MSH3: variants seen among roughly 807,000 people sequenced by gnomAD.
MSH3 encodes DNA mismatch repair protein Msh3.
In MSH3, 106 loss-of-function variants were observed where a neutral mutation model predicts 123.3. That is an observed-to-expected ratio of 0.86 (90% CI 0.73 to 1.01). MSH3 has a LOEUF of 1.01. MSH3 is among the 50% of genes least tolerant of loss of function. The pLI is 0.00. For synonymous variants in MSH3, 515 were observed against 481.4 expected (o/e 1.07, Z -0.91); for missense variants, 1,459 against 1,347.6 (o/e 1.08, Z -1.29).
At chr5:80,832,088 C>G (rs181818196) in intron 20 of MSH3, among the ~76,000 whole-genome samples, 1 of 150,740 alleles carries the variant, frequency 6.6e-6, no homozygotes, top group Non-Finnish European at 1.5e-5. Context: ...CCAGCCTGGG[C>G]GACAAGGCGA....
chr5:80,662,451 C>T (rs1042927804), intron 2 of MSH3, among the ~76,000 whole-genome samples: 5 of 152,074 alleles, frequency 3.3e-5, no homozygotes, highest in Admixed American at 3.3e-4. Flanking sequence ...ATAAGAGTCC[C>T]TGATTATTTC....
At chr5:80,792,986 C>T in intron 19 of MSH3, 142 bp downstream of exon 19, 2 of 623,766 alleles carry the variant, frequency 3.2e-6, no homozygotes, top group South Asian at 2.0e-5. Context: ...TTTATATTTA[C>T]CACGAAATGT....
At chr5:80,737,655 G>A (rs1474621608) in intron 10 of MSH3, among the ~76,000 whole-genome samples, 1 of 152,120 alleles carries the variant, frequency 6.6e-6, no homozygotes, top group Non-Finnish European at 1.5e-5. Flanking sequence ...GATGCTGGTA[G>A]ATATAACCCT....
chr5:80,683,458 G>A (rs1220074021), intron 8 of MSH3, among the ~76,000 whole-genome samples: 1 of 152,116 alleles, frequency 6.6e-6, no homozygotes, highest in Admixed American at 6.5e-5. Context: ...TGTAATGAAC[G>A]ATGGTGTTGA....
rs112733947 is a variant in MSH3, at chr5:80,856,475, C to G, written c.3000+2159C>G. Among the ~76,000 whole-genome samples, 602 of 142,974 alleles carry G rather than the reference C, an allele frequency of 4.2e-3. 1 individual carries two copies. The highest frequency in any genetic ancestry group is 0.012 in the African/African-American group (458 of 38,104). The allele number at this position is 142,974 out of a possible 152,430, so 93.8% of individuals were successfully genotyped here. A position where few individuals can be genotyped will look rare whatever the true frequency, so the allele number is the denominator to read the frequency against. On this transcript the variant is annotated intron_variant, in intron 21 of 23. Coordinates refer to ENST00000265081, the MANE Select transcript of MSH3 (RefSeq NM_002439.5). ...GACAAAAAACCAAACACCGCATGTT[C>G]TCACTCATAGGTGGGAGTTGAACAA...
chr5:80,817,390 T>G (rs1171089482), intron 20 of MSH3, among the ~76,000 whole-genome samples: 3 of 151,896 alleles, frequency 2.0e-5, no homozygotes, highest in South Asian at 2.1e-4. Flanking sequence ...AAGAGTGAGT[T>G]AGAGGTCAGG....
chr5:80,657,709 A>G (rs1057123214), intron 2 of MSH3, among the ~76,000 whole-genome samples: 7 of 152,172 alleles, frequency 4.6e-5, no homozygotes, highest in African/African-American at 1.7e-4. Flanking sequence ...TATATGTAAA[A>G]TATTAATCCT....
chr5:80,815,556 G>A (rs1048654287), intron 20 of MSH3, among the ~76,000 whole-genome samples: 1 of 152,122 alleles, frequency 6.6e-6, no homozygotes, highest in Non-Finnish European at 1.5e-5. Context: ...GTGTTTCAGT[G>A]GCTCTGCCAT....
At chr5:80,707,780 A>G (rs1340869432) in intron 8 of MSH3, among the ~76,000 whole-genome samples, 1 of 152,180 alleles carries the variant, frequency 6.6e-6, no homozygotes, top group Non-Finnish European at 1.5e-5. Context: ...TTGGAGTAGT[A>G]GTTAATTTAC....
intron 8 of MSH3, among the ~76,000 whole-genome samples, chr5:80,724,752 G>A (rs1357794281): frequency 6.6e-6 from 1 of 152,132 alleles, no homozygotes; most frequent in Non-Finnish European, 1.5e-5. Flanking sequence ...GTATTCTGTT[G>A]CTAGATTATT....
intron 12 of MSH3, among the ~76,000 whole-genome samples, chr5:80,759,508 A>C (rs1470517583): frequency 6.6e-6 from 1 of 152,218 alleles, no homozygotes; most frequent in Non-Finnish European, 1.5e-5. Flanking sequence ...ACTGGAACTT[A>C]GAGTAGGAGG....
rs765970162 is a variant in MSH3 at position 80,778,728 on chromosome 5, C to G, written c.2327C>G (p.Ala776Gly). Residue 776 changes from alanine to glycine, a missense_variant, in exon 17 of 24, where the codon GCT (alanine) becomes GGT (glycine). By Grantham distance (60) the Ala-to-Gly change is moderately conservative. Coordinates refer to ENST00000265081, the MANE Select transcript of MSH3 (RefSeq NM_002439.5). ...TDWVKVGSTK[A>G]VSRFHSPFIV... ...TCTTTCCCCTCTTCTAGCACAAAAG[C>G]TGTGAGCCGCTTTCACTCTCCTTTT... 1.9e-6 allele frequency: 3 copies of G among 1,601,852 alleles called. No individual in the cohort carries two copies. In the South Asian group the frequency reaches 3.3e-5, roughly 18 times the overall value.
chr5:80,773,312 A>G (rs1365637501), intron 15 of MSH3, among the ~76,000 whole-genome samples: 1 of 152,198 alleles, frequency 6.6e-6, no homozygotes, highest in African/African-American at 2.4e-5. Context: ...TTTAAAAGTG[A>G]TTTTATCTTT....
intron 8 of MSH3, among the ~76,000 whole-genome samples, chr5:80,690,709 CAG>C (rs1750209980): frequency 6.6e-6 from 1 of 152,108 alleles, no homozygotes; most frequent in African/African-American, 2.4e-5. Flanking sequence ...TAAACATAAA[CAG>C]AAATGCAGAA....
rs1749742892 is a variant in MSH3 at position 80,672,352 on chromosome 5, G to A, written c.901G>A (p.Gly301Arg). 1 of 1,610,466 alleles carries A rather than the reference G, an allele frequency of 6.2e-7. No individual in the cohort carries two copies. ...FVHVRRLVAKGYKVGVVKQTE... is the reference protein window; with the variant it reads ...FVHVRRLVAKRYKVGVVKQTE... ...TCATGTACGCCGCCTGGTGGCAAAA[G>A]GATATAAGGTCAGCTTTGGCTTTAA... The change falls in exon 5 of 24, where the codon GGA becomes AGA. Residue 301 changes from glycine to arginine, a missense_variant. Gly to Arg is a moderately radical substitution (Grantham distance 125). Transcript: ENST00000265081.
At chr5:80,736,809 A>G (rs1311882203) in intron 10 of MSH3, among the ~76,000 whole-genome samples, 1 of 152,214 alleles carries the variant, frequency 6.6e-6, no homozygotes, top group African/African-American at 2.4e-5. Flanking sequence ...GGGAAATTTA[A>G]GTGCATCCTG....
At chr5:80,741,687 C>T (rs2112866961) in intron 11 of MSH3, 139 bp downstream of exon 11, 1 of 702,788 alleles carries the variant, frequency 1.4e-6, no homozygotes, top group Admixed American at 2.3e-5. Flanking sequence ...AACTGTAGCT[C>T]TTTTTGGAGA....
chr5:80,765,831 C>T (rs1744112127), intron 13 of MSH3, among the ~76,000 whole-genome samples: 1 of 152,146 alleles, frequency 6.6e-6, no homozygotes, highest in African/African-American at 2.4e-5. Flanking sequence ...CTAGAACCTT[C>T]CTGAGAAAGC....
chr5:80,862,283 G>A (rs1489954937), intron 21 of MSH3, among the ~76,000 whole-genome samples: 2 of 152,112 alleles, frequency 1.3e-5, no homozygotes, highest in Non-Finnish European at 2.9e-5. Flanking sequence ...ATTTGTTATT[G>A]TTATCAGAAA....
Sources: gnomAD v4.1 joint callset for allele counts (sites outside exome capture counted in the v4.1 genomes callset) on GRCh38, gnomAD v4.1.1 for gene constraint, MANE v1.5 for transcripts, NCBI Gene and HGNC (gene_info 2026-07-23, HGNC 2026-07-21) for gene names.